The following KCNIP3 variants were observed in gnomAD, a reference collection of about 807,000 sequenced individuals.
The protein encoded by KCNIP3 is calsenilin.
In KCNIP3, 28 loss-of-function variants were observed where a neutral mutation model predicts 35.0. The ratio of observed to expected loss-of-function variants is 0.80; its 90% CI spans 0.59 to 1.10. The LOEUF (loss-of-function observed/expected upper bound fraction) is 1.10, where lower values mean the gene tolerates loss of function less well. Among genes scored for constraint, KCNIP3 ranks in the 50% least tolerant of loss-of-function variants. The pLI is 0.00. For missense variants in KCNIP3, 295 were observed against 338.4 expected, an observed-to-expected ratio of 0.87 and a Z score of 1.01; for synonymous variants, 134 against 133.8, an observed-to-expected ratio of 1.00 and a Z score of -0.01.
chr2:95,352,422 G>A (rs1679549742), intron 2 of KCNIP3, among the ~76,000 whole-genome samples: 1 of 152,072 alleles, frequency 6.6e-6, no homozygotes, highest in Admixed American at 6.5e-5. Flanking sequence ...GGGCGGGAGT[G>A]ACCCTGGGGT....
At chr2:95,305,497 C>G (rs1473963385) in intron 1 of KCNIP3, among the ~76,000 whole-genome samples, 1 of 152,136 alleles carries the variant, frequency 6.6e-6, no homozygotes, top group African/African-American at 2.4e-5. Context: ...GTCCGATTTC[C>G]CAGTTCACAC....
chr2:95,320,980 A>G (rs1200594553), intron 2 of KCNIP3, among the ~76,000 whole-genome samples: 1 of 88,596 alleles, frequency 1.1e-5, no homozygotes, highest in Non-Finnish European at 2.2e-5. Context: ...CCTCCCTGGC[A>G]TCCCCAGCCT....
intron 2 of KCNIP3, among the ~76,000 whole-genome samples, chr2:95,319,987 C>T (rs948060306): frequency 4.6e-5 from 7 of 152,168 alleles, no homozygotes; most frequent in African/African-American, 7.2e-5. Flanking sequence ...CCAGGTGCCT[C>T]TCCTGGCACC....
chr2:95,357,256 G>A (rs570799924), intron 2 of KCNIP3, among the ~76,000 whole-genome samples: 10 of 152,342 alleles, frequency 6.6e-5, no homozygotes, highest in East Asian at 5.8e-4. Context: ...AGTCTTGCCC[G>A]AAAGGCCTCC....
Position 95,382,530 on chromosome 2 carries a change from G to A in KCNIP3, c.660+49G>A. 1 of 1,421,344 alleles carries A rather than the reference G, an allele frequency of 7.0e-7. No individual in the cohort carries two copies. The highest frequency in any genetic ancestry group is 9.7e-7 in the Non-Finnish European group (1 of 1,036,106). 88.0% of individuals were successfully genotyped at this position (1,421,344 alleles called of 1,614,324 possible). ...AGGGAGGGGAGCCTGGCAGAGGAAGGGGCTCTCGCTTTTGGGGCCACCCCG... is the reference window on the plus strand; with the variant it reads ...AGGGAGGGGAGCCTGGCAGAGGAAGAGGCTCTCGCTTTTGGGGCCACCCCG... On this transcript the variant is annotated intron_variant, in intron 7 of 8. Transcript: ENST00000295225. This position sits in a 1 kb window ranked among gnomAD's most constrained non-coding sequence, Gnocchi z 4.5.
chr2:95,339,855 A>G (rs1216361423), intron 2 of KCNIP3, among the ~76,000 whole-genome samples: 1 of 152,000 alleles, frequency 6.6e-6, no homozygotes, highest in Non-Finnish European at 1.5e-5. Flanking sequence ...CCTGGGTGAG[A>G]GTTCTAGATT....
At chr2:95,371,523 T>C (rs1448623595) in intron 2 of KCNIP3, among the ~76,000 whole-genome samples, 4 of 152,254 alleles carry the variant, frequency 2.6e-5, no homozygotes, top group Admixed American at 6.5e-5. Context: ...TATACAGTGT[T>C]CTATAAATAT....
chr2:95,302,080 C>T (rs1316198784), intron 1 of KCNIP3, among the ~76,000 whole-genome samples: 1 of 152,132 alleles, frequency 6.6e-6, no homozygotes, highest in Non-Finnish European at 1.5e-5. Context: ...CTGCACGACA[C>T]AACGCCCACC....
intron 2 of KCNIP3, among the ~76,000 whole-genome samples, chr2:95,315,992 G>A (rs1678451428): frequency 6.6e-6 from 1 of 152,222 alleles, no homozygotes; most frequent in African/African-American, 2.4e-5. Context: ...GGGGCTCATG[G>A]CCACCTACTC....
At chr2:95,381,535 A>G (rs544323413) in intron 5 of KCNIP3, 61 bp from the exon 6 acceptor site, 1 of 1,256,212 alleles carries the variant, frequency 8.0e-7, no homozygotes, top group African/African-American at 1.5e-5. Context: ...CCACACAGCA[A>G]CTGGAACTAG....
At chr2:95,334,608 A>G (rs1679012816) in intron 2 of KCNIP3, among the ~76,000 whole-genome samples, 1 of 152,250 alleles carries the variant, frequency 6.6e-6, no homozygotes, top group African/African-American at 2.4e-5. Flanking sequence ...GAGAAGAGCT[A>G]CAGCTGGCCT....
intron 2 of KCNIP3, 176 bp downstream of exon 2, chr2:95,310,696 G>A: frequency 1.5e-6 from 1 of 687,406 alleles, no homozygotes; most frequent in Non-Finnish European, 2.5e-6. Flanking sequence ...TTGAGTGCCT[G>A]CTTCACACAG....
At chr2:95,314,770 G>A (rs1380845384) in intron 2 of KCNIP3, among the ~76,000 whole-genome samples, 1 of 152,254 alleles carries the variant, frequency 6.6e-6, no homozygotes, top group Non-Finnish European at 1.5e-5. Context: ...GGAATTTAAA[G>A]CCTCTAATCC....
At position 95,382,409 on chromosome 2, in the gene KCNIP3, C is replaced by T; in HGVS notation, c.588C>T (p.Asp196=). ...TGGCCATCATGAAGTCCATCTATGA[C>T]ATGATGGGCCGCCACACCTACCCCA... ...EMLAIMKSIY[D]MMGRHTYPIL... is the part of the protein sequence containing the mutation. The change falls in exon 7 of 9, where the codon GAC becomes GAT. Residue 196 remains aspartate (D), a synonymous_variant. Coordinates refer to ENST00000295225, the MANE Select transcript of KCNIP3 (RefSeq NM_013434.5). The surrounding 1 kb of genome is among the most constrained non-coding windows in gnomAD (Gnocchi z 4.5). The T allele has an allele frequency of 6.2e-7, 1 of 1,607,488 alleles. No homozygotes were observed. Among genetic ancestry groups the T allele is most frequent in the African/African-American group, 1.3e-5 (1 of 74,790 alleles).
chr2:95,350,052 C>A (rs145043315), intron 2 of KCNIP3, among the ~76,000 whole-genome samples: 393 of 152,242 alleles, frequency 2.6e-3, no homozygotes, highest in Non-Finnish European at 3.7e-3. Flanking sequence ...GGTGCTTCTT[C>A]CTGGAGTGCT....
At chr2:95,325,672 CAT>C (rs1573491475) in intron 2 of KCNIP3, among the ~76,000 whole-genome samples, 1 of 147,616 alleles carries the variant, frequency 6.8e-6, no homozygotes, top group South Asian at 2.1e-4. Flanking sequence ...CACTCATACA[CAT>C]ACACACTCAT....
At chr2:95,303,908 C>A (rs1329864925) in intron 1 of KCNIP3, among the ~76,000 whole-genome samples, 1 of 152,176 alleles carries the variant, frequency 6.6e-6, no homozygotes, top group African/African-American at 2.4e-5. Flanking sequence ...TTATTTTAAC[C>A]ATATGTTTTA....
intron 2 of KCNIP3, among the ~76,000 whole-genome samples, chr2:95,328,781 T>C (rs1396714987): frequency 1.3e-5 from 2 of 152,126 alleles, no homozygotes; most frequent in Non-Finnish European, 2.9e-5. Flanking sequence ...ACTCTTGGGG[T>C]GGGGAAGAGT....
Position 95,359,857 on chromosome 2 carries a change from T to C in KCNIP3, c.182-14439T>C, listed in dbSNP as rs1679746779. 2.6e-5 allele frequency among the ~76,000 whole-genome samples: 4 copies of C among 152,298 alleles called. No individual in the cohort carries two copies. The South Asian group carries it at 8.3e-4, about 32-fold the overall frequency. The stretch of plus-strand genomic sequence containing the variant: ...CACAGCTGGGGCAGCCAAGGAGCAC[T>C]GTGGTGGAATGTGAGGAGCAGAGTC... On this transcript the variant is annotated intron_variant, in intron 2 of 8. Coordinates refer to ENST00000295225, the MANE Select transcript of KCNIP3 (RefSeq NM_013434.5).
Sources: allele counts gnomAD v4.1 joint callset (sites outside exome capture counted in the v4.1 genomes callset), GRCh38; gene constraint gnomAD v4.1.1; non-coding constraint Gnocchi (gnomAD v3.1); transcripts MANE v1.5; gene names NCBI Gene and HGNC (gene_info 2026-07-23, HGNC 2026-07-21).